KHDRBS3: variants seen among roughly 807,000 people sequenced by gnomAD.
The protein encoded by KHDRBS3 is KH RNA binding domain containing, signal transduction associated 3.
Under a neutral mutation model 45.6 loss-of-function variants are expected in KHDRBS3, and 23 were observed. The ratio of observed to expected loss-of-function variants is 0.50; its 90% CI spans 0.36 to 0.72. The LOEUF is 0.72. Ranked by LOEUF, KHDRBS3 falls within the 30% of genes least tolerant of loss-of-function variation. KHDRBS3 has a pLI of 0.00. For missense variants in KHDRBS3, 352 were observed against 424.8 expected, an observed-to-expected ratio of 0.83 and a Z score of 1.51; for synonymous variants, 162 against 156.5, an observed-to-expected ratio of 1.04 and a Z score of -0.26.
At chr8:135,651,503 G>T (rs10104139), downstream of KHDRBS3, among the ~76,000 whole-genome samples, 27,137 of 151,926 alleles carry the variant, frequency 0.18, 3,811 homozygotes, top group East Asian at 0.53. Context: ...ATGCTGGCTG[G>T]GTAGGACAAG....
chr8:135,521,336 C>T lies in KHDRBS3; in HGVS notation c.188C>T (p.Pro63Leu). 6.2e-7 allele frequency: 1 copy of T among 1,605,854 alleles called. No individual in the cohort carries two copies. Among genetic ancestry groups the T allele is most frequent in the Non-Finnish European group, 8.5e-7 (1 of 1,172,506 alleles). ...NMKLGQKVLI[P>L]VKQFPKFNFV... ...AAGCTGGGACAGAAAGTGTTAATTC[C>T]CGTAAAACAGTTCCCTAAGGTAAGA... Residue 63 changes from proline to leucine, a missense_variant, in exon 2 of 9, where the codon CCC (proline) becomes CTC (leucine). Pro to Leu is a moderately conservative substitution (Grantham distance 98, BLOSUM62 -3). This residue lies in a region of KHDRBS3 where 9 missense variants were observed against 36.5 expected (regional missense o/e 0.25). Coordinates refer to ENST00000355849, the MANE Select transcript of KHDRBS3 (RefSeq NM_006558.3).
chr8:135,471,480 C>T (rs772203927), intron 1 of KHDRBS3, among the ~76,000 whole-genome samples: 9 of 152,186 alleles, frequency 5.9e-5, no homozygotes, highest in Non-Finnish European at 1.2e-4. Context: ...ATACTTTATC[C>T]CTGCTTAAAG....
Position 135,457,607 on chromosome 8 carries a change from C to G in KHDRBS3, c.-260C>G, listed in dbSNP as rs2130018847. ...GCCCGCCTAACCGCGCCGCCCGCGCCCGCTCCTCCTCGGCCCGCGCCCGGA... is the reference window on the plus strand; with the variant it reads ...GCCCGCCTAACCGCGCCGCCCGCGCGCGCTCCTCCTCGGCCCGCGCCCGGA... On this transcript the variant is annotated 5_prime_UTR_variant, in exon 1 of 9. Coordinates refer to ENST00000355849, the MANE Select transcript of KHDRBS3 (RefSeq NM_006558.3). The surrounding 1 kb of genome is among the most constrained non-coding windows in gnomAD (Gnocchi z 4.4). The G allele has an allele frequency of 6.8e-6, 1 of 147,074 alleles. No individual in the cohort carries two copies. Among genetic ancestry groups the G allele is most frequent in the African/African-American group, 2.4e-5 (1 of 40,920 alleles). 9.1% of individuals were successfully genotyped at this position (147,074 alleles called of 1,614,324 possible). A position where few individuals can be genotyped will look rare whatever the true frequency, so the allele number is the denominator to read the frequency against.
At chr8:135,527,435 G>A (rs189832900) in intron 2 of KHDRBS3, among the ~76,000 whole-genome samples, 3 of 152,324 alleles carry the variant, frequency 2.0e-5, no homozygotes, top group Admixed American at 1.3e-4. Flanking sequence ...GGCATTTGGG[G>A]AATTACAAGC....
chr8:135,474,036 C>T (rs912088383), intron 1 of KHDRBS3, among the ~76,000 whole-genome samples: 4 of 152,164 alleles, frequency 2.6e-5, no homozygotes, highest in African/African-American at 4.8e-5. Context: ...AGTTCCTTTG[C>T]TCATAGACCA....
At chr8:135,478,740 G>T (rs1485284374) in intron 1 of KHDRBS3, among the ~76,000 whole-genome samples, 1 of 152,066 alleles carries the variant, frequency 6.6e-6, no homozygotes, top group African/African-American at 2.4e-5. Context: ...AGCCAAAAAA[G>T]AACTCATAAG....
chr8:135,652,481 C>T (rs139339437), downstream of KHDRBS3, among the ~76,000 whole-genome samples: 1 of 152,350 alleles, frequency 6.6e-6, no homozygotes, highest in African/African-American at 2.4e-5. Context: ...TGGAGCACAG[C>T]ATGCTCTGAC....
chr8:135,583,642 G>A (rs944567674), intron 6 of KHDRBS3, among the ~76,000 whole-genome samples: 1 of 152,142 alleles, frequency 6.6e-6, no homozygotes, highest in African/African-American at 2.4e-5. Context: ...TTAATATCGG[G>A]CAAGATATTT....
intron 1 of KHDRBS3, among the ~76,000 whole-genome samples, chr8:135,495,879 A>G (rs1823414931): frequency 6.6e-6 from 1 of 152,052 alleles, no homozygotes; most frequent in African/African-American, 2.4e-5. Flanking sequence ...GGGGGAATGA[A>G]TCTCTGAGAT....
At chr8:135,632,547 C>T (rs1830649028) in intron 7 of KHDRBS3, among the ~76,000 whole-genome samples, 1 of 152,128 alleles carries the variant, frequency 6.6e-6, no homozygotes, top group Admixed American at 6.5e-5. Flanking sequence ...GCAGCCTCCT[C>T]TCCAGAGGAG....
At position 135,511,327 on chromosome 8, in the gene KHDRBS3, A is replaced by T. The variant is rs578072660; in HGVS notation, c.89-9910A>T. Among the ~76,000 whole-genome samples, 12 of 152,322 alleles carry T rather than the reference A, an allele frequency of 7.9e-5. No individual in the cohort carries two copies. In the East Asian group the frequency reaches 2.1e-3, roughly 27 times the overall value. ...GTCGTTAAATAAATTCCAGCTGCTA[A>T]TATCATTGTAATATTTTTGTTAATT... On this transcript the variant is annotated intron_variant, in intron 1 of 8. Transcript: ENST00000355849.
chr8:135,566,478 A>G (rs1827421677), intron 5 of KHDRBS3, among the ~76,000 whole-genome samples: 1 of 152,240 alleles, frequency 6.6e-6, no homozygotes, highest in Non-Finnish European at 1.5e-5. Context: ...ATGTAAAACT[A>G]GAAACAGTAG....
chr8:135,567,277 C>T (rs1458046453), intron 5 of KHDRBS3, among the ~76,000 whole-genome samples: 1 of 151,886 alleles, frequency 6.6e-6, no homozygotes, highest in Non-Finnish European at 1.5e-5. Context: ...AGAATAAAGG[C>T]GTTCTCAGAT....
At position 135,636,687 on chromosome 8, in the gene KHDRBS3, G is replaced by A. The variant is rs141638497; in HGVS notation, c.891-8372G>A. Among the ~76,000 whole-genome samples, 1,172 of 152,250 alleles carry A rather than the reference G, an allele frequency of 7.7e-3. 13 individuals are homozygous for A. The highest frequency in any genetic ancestry group is 0.02 in the Middle Eastern group (6 of 294). On this transcript the variant is annotated intron_variant, in intron 7 of 8. Coordinates refer to ENST00000355849, the MANE Select transcript of KHDRBS3 (RefSeq NM_006558.3). ...ATTTGACACCTCATGCAGCCTTCCC[G>A]TCAACTGAATCGTCCTCACATTGTA... is the stretch of plus-strand genomic sequence containing the variant.
intron 1 of KHDRBS3, among the ~76,000 whole-genome samples, chr8:135,500,052 A>G (rs1166927395): frequency 2.0e-5 from 3 of 152,196 alleles, no homozygotes; most frequent in African/African-American, 7.2e-5. Flanking sequence ...ATGGAAAATC[A>G]TGTTTTCCTG....
intron 7 of KHDRBS3, among the ~76,000 whole-genome samples, chr8:135,622,939 C>A (rs1232617077): frequency 2.6e-5 from 4 of 152,214 alleles, no homozygotes; most frequent in Admixed American, 1.3e-4. Context: ...TTTGCGGCAG[C>A]CTTCCCGGCC....
rs117938506 is a variant in KHDRBS3, at chr8:135,602,243, T to C, written c.808-4712T>C. On this transcript the variant is annotated intron_variant, in intron 6 of 8. Coordinates refer to ENST00000355849, the MANE Select transcript of KHDRBS3 (RefSeq NM_006558.3). Reference sequence around the variant, plus strand: ...GCAGTCACACTCAGCTTTTCCTCCTTTTCTCCTATTGCACCCTGCTTCATG... The same window carrying C: ...GCAGTCACACTCAGCTTTTCCTCCTCTTCTCCTATTGCACCCTGCTTCATG... Among the ~76,000 whole-genome samples, 65 of 152,302 alleles carry C rather than the reference T, an allele frequency of 4.3e-4. No individual in the cohort carries two copies. In the East Asian group the frequency reaches 0.012, roughly 28 times the overall value.
intron 4 of KHDRBS3, among the ~76,000 whole-genome samples, chr8:135,653,270 GACTTGT>G (rs904824937): frequency 6.6e-6 from 1 of 152,108 alleles, no homozygotes; most frequent in Non-Finnish European, 1.5e-5. Context: ...TGTCTTATTG[GACTTGT>G]ACTTCCAAAT....
chr8:135,573,553 AC>A (rs1827807628), intron 5 of KHDRBS3, among the ~76,000 whole-genome samples: 1 of 152,140 alleles, frequency 6.6e-6, no homozygotes, highest in Admixed American at 6.5e-5. Flanking sequence ...GGATTTATTA[AC>A]CCCAGTTTAC....
Sources: allele counts gnomAD v4.1 joint callset (sites outside exome capture counted in the v4.1 genomes callset), GRCh38; gene constraint gnomAD v4.1.1; regional missense constraint gnomAD v4.1.1; non-coding constraint Gnocchi (gnomAD v3.1); transcripts MANE v1.5; gene names NCBI Gene and HGNC (gene_info 2026-07-23, HGNC 2026-07-21).